PRR14L: variants seen among roughly 807,000 people sequenced by gnomAD.
The protein encoded by PRR14L is proline rich 14 like, also known as protein PRR14L.
PRR14L carries 80 observed loss-of-function variants against 155.0 expected under a neutral mutation model. That is an observed-to-expected ratio of 0.52 (90% CI 0.43 to 0.62). The LOEUF (loss-of-function observed/expected upper bound fraction) is 0.62, where lower values mean the gene tolerates loss of function less well. Ranked by LOEUF, PRR14L falls within the 20% of genes least tolerant of loss-of-function variation. The pLI is 0.00. For missense variants in PRR14L, 2,469 were observed against 2,548.0 expected (o/e 0.97, Z 0.67); for synonymous variants, 883 against 916.0 (o/e 0.96, Z 0.65).
rs998931257 is a variant in PRR14L, at chr22:31,750,023, C to T, written c.-82G>A. On this transcript the variant is annotated 5_prime_UTR_variant, in exon 1 of 9. Coordinates refer to ENST00000327423, the MANE Select transcript of PRR14L (RefSeq NM_173566.3). The stretch of plus-strand genomic sequence containing the variant: ...GACCTCCTCCGCGGCCCGCGCTTGC[C>T]CAGCCAGCTCAGCCCCTGCAGCTGC... 1 of 153,388 alleles carries T rather than the reference C, an allele frequency of 6.5e-6. No homozygotes were observed. Among genetic ancestry groups the T allele is most frequent in the African/African-American group, 2.4e-5 (1 of 41,484 alleles). 9.5% of individuals were successfully genotyped at this position (153,388 alleles called of 1,614,324 possible).
rs752265656 is a variant in PRR14L, at chr22:31,710,234, G to A, written c.5756+1849C>T. Among the ~76,000 whole-genome samples the A allele has an allele frequency of 3.0e-3, 458 of 152,196 alleles. 5 individuals carry two copies. Among genetic ancestry groups the A allele is most frequent in the Non-Finnish European group, 5.1e-3 (345 of 68,012 alleles). On this transcript the variant is annotated intron_variant, in intron 4 of 8. Coordinates refer to ENST00000327423, the MANE Select transcript of PRR14L (RefSeq NM_173566.3). ...TAGGCTTACAGGCATGAGCCACTGC[G>A]TCCCGCCTGAACCAGTCCACTTTAC...
chr22:31,738,302 T>C (rs2074793557), intron 2 of PRR14L, 85 bp downstream of exon 2: 6 of 1,126,180 alleles, frequency 5.3e-6, no homozygotes, highest in Non-Finnish European at 7.5e-6. Flanking sequence ...GAATAAATCA[T>C]GAGCCAACCG....
At chr22:31,693,407 T>C (rs924123731) in intron 7 of PRR14L, among the ~76,000 whole-genome samples, 6 of 152,236 alleles carry the variant, frequency 3.9e-5, no homozygotes, top group South Asian at 2.1e-4. Context: ...ATTTATATCA[T>C]TGATAGCTAA....
rs1184287861 is a variant in PRR14L, at chr22:31,716,677, G to C, written c.1162C>G (p.Gln388Glu). ...TCTCTAGAAGCCAAGTTCTTCCCTTGATCATCCCCCCTATAAAAATAAGAA... is the reference window on the plus strand; with the variant it reads ...TCTCTAGAAGCCAAGTTCTTCCCTTCATCATCCCCCCTATAAAAATAAGAA... ...DSSYFYRGDDQGKNLASREEN... is the reference protein window; with the variant it reads ...DSSYFYRGDDEGKNLASREEN... The change falls in exon 4 of 9, where the codon CAA (glutamine) becomes GAA (glutamate). Residue 388 changes from glutamine (Q) to glutamate (E), a missense_variant. Physicochemically the swap from Gln to Glu is conservative, Grantham distance 29. Coordinates refer to ENST00000327423, the MANE Select transcript of PRR14L (RefSeq NM_173566.3). 6.4e-7 allele frequency: 1 copy of C among 1,551,754 alleles called. No individual in the cohort carries two copies. The highest frequency in any genetic ancestry group is 1.4e-5 in the African/African-American group (1 of 72,998).
intron 5 of PRR14L, among the ~76,000 whole-genome samples, chr22:31,704,197 T>A (rs1408882393): frequency 6.6e-6 from 1 of 152,226 alleles, no homozygotes; most frequent in Non-Finnish European, 1.5e-5. Context: ...ATAGCCTGTA[T>A]CTACATATGT....
rs548641284 is a variant in PRR14L, at chr22:31,716,392, C to A, written c.1447G>T (p.Val483Phe). ...NKNDLKITVH[V>F]QGNLTNPEDH... ...TCAGGGTTTGTCAAGTTACCTTGAA[C>A]GTGTACAGTAATTTTCAAATCATTT... The change falls in exon 4 of 9, where the codon GTT becomes TTT. Residue 483 changes from valine to phenylalanine, a missense_variant. Transcript: ENST00000327423. 3 of 1,549,692 alleles carry A rather than the reference C, an allele frequency of 1.9e-6. No homozygotes were observed. Among genetic ancestry groups the A allele is most frequent in the South Asian group, 1.2e-5 (1 of 83,528 alleles).
At chr22:31,717,788 T>A (rs1057298040) in intron 3 of PRR14L, among the ~76,000 whole-genome samples, 2 of 152,070 alleles carry the variant, frequency 1.3e-5, no homozygotes, top group African/African-American at 4.8e-5. Context: ...TCAGACAGAG[T>A]CTTGCTCTGT....
chr22:31,687,942 G>A (rs1373709379), intron 8 of PRR14L, among the ~76,000 whole-genome samples: 2 of 149,964 alleles, frequency 1.3e-5, no homozygotes, highest in South Asian at 2.1e-4. Flanking sequence ...TGAGGCAGGA[G>A]AATGGCGTGA....
At position 31,713,571 on chromosome 22, in the gene PRR14L, A is replaced by G. The variant is rs1464428787; in HGVS notation, c.4268T>C (p.Leu1423Pro). The G allele has an allele frequency of 6.4e-7, 1 of 1,551,994 alleles. No homozygotes were observed. Among genetic ancestry groups the G allele is most frequent in the Non-Finnish European group, 8.7e-7 (1 of 1,147,086 alleles). ...TISQQCISSSLLLDDAQNQNQ... is the reference protein window; with the variant it reads ...TISQQCISSSPLLDDAQNQNQ... ...CTGATTTTGTGCATCATCTAACAAC[A>G]GACTAGATGATATGCACTGTTGCGA... is the stretch of plus-strand genomic sequence containing the variant. The change falls in exon 4 of 9, where the codon CTG becomes CCG. Residue 1423 changes from leucine to proline, a missense_variant. By Grantham distance (98) the Leu-to-Pro change is moderately conservative. Transcript: ENST00000327423.
At chr22:31,703,468 CTG>C in intron 6 of PRR14L, 80 bp downstream of exon 6, 1 of 1,338,880 alleles carries the variant, frequency 7.5e-7, no homozygotes, top group African/African-American at 1.5e-5. Flanking sequence ...AGAAGCCAGT[CTG>C]TAGCTATAAT....
chr22:31,745,803 C>T (rs925029018), intron 1 of PRR14L, among the ~76,000 whole-genome samples: 5 of 148,372 alleles, frequency 3.4e-5, no homozygotes, highest in African/African-American at 5.0e-5. Flanking sequence ...GCAGAGATCG[C>T]GCCATTGCAC....
intron 3 of PRR14L, among the ~76,000 whole-genome samples, chr22:31,724,264 T>A (rs2074705591): frequency 6.6e-6 from 1 of 152,234 alleles, no homozygotes; most frequent in East Asian, 1.9e-4. Context: ...AGAAACGAAG[T>A]GCACAATAAA....
At chr22:31,717,387 C>A (rs1173206279) in intron 3 of PRR14L, 96 bp from the exon 4 acceptor site, 2 of 947,394 alleles carry the variant, frequency 2.1e-6, no homozygotes, top group Middle Eastern at 2.7e-4. Context: ...CCAAGGGCAA[C>A]AGAAGACCCA....
At chr22:31,690,371 G>C (rs2080824342) in intron 7 of PRR14L, among the ~76,000 whole-genome samples, 1 of 151,942 alleles carries the variant, frequency 6.6e-6, no homozygotes, top group South Asian at 2.1e-4. Context: ...TTTTCGTACA[G>C]GTGGGGTTTC....
intron 7 of PRR14L, among the ~76,000 whole-genome samples, chr22:31,692,047 T>C (rs1247276065): frequency 4.6e-5 from 7 of 152,078 alleles, no homozygotes; most frequent in Non-Finnish European, 4.4e-5. Flanking sequence ...TTTGTATTTT[T>C]AGTGGAGATG....
chr22:31,686,832 T>C (rs1175136877), intron 8 of PRR14L, among the ~76,000 whole-genome samples: 1 of 152,192 alleles, frequency 6.6e-6, no homozygotes, highest in East Asian at 1.9e-4. Flanking sequence ...TACAAAATCT[T>C]AGGATAAAAT....
chr22:31,713,922 T>C lies in PRR14L; in HGVS notation c.3917A>G (p.Lys1306Arg). 6.4e-6 allele frequency: 10 copies of C among 1,551,870 alleles called. No individual in the cohort carries two copies. Among genetic ancestry groups the C allele is most frequent in the Non-Finnish European group, 8.7e-6 (10 of 1,147,012 alleles). The change falls in exon 4 of 9, where the codon AAG (lysine) becomes AGG (arginine). Residue 1306 changes from lysine (K) to arginine (R), a missense_variant. By Grantham distance (26) the Lys-to-Arg change is conservative. Coordinates refer to ENST00000327423, the MANE Select transcript of PRR14L (RefSeq NM_173566.3). ...AGGGTGACAAGCTTTGCAAGCATTCTTTTCCACACAGGTACATACGCTGTC... is the reference window on the plus strand; with the variant it reads ...AGGGTGACAAGCTTTGCAAGCATTCCTTTCCACACAGGTACATACGCTGTC... The part of the protein sequence containing the change: ...DRDSVCTCVE[K>R]NACKACHPHE...
At chr22:31,711,411 T>C in intron 4 of PRR14L, among the ~76,000 whole-genome samples, 1 of 151,352 alleles carries the variant, frequency 6.6e-6, no homozygotes, top group Admixed American at 6.6e-5. Flanking sequence ...GCAGAAGTTG[T>C]GGTCAGCCGA....
intron 7 of PRR14L, among the ~76,000 whole-genome samples, chr22:31,692,942 C>A (rs778381656): frequency 1.3e-5 from 2 of 152,104 alleles, no homozygotes; most frequent in Non-Finnish European, 2.9e-5. Context: ...GCCTGGTCAT[C>A]TTTTCTTTTT....
Sources: gnomAD v4.1 joint callset for allele counts (sites outside exome capture counted in the v4.1 genomes callset) on GRCh38, gnomAD v4.1.1 for gene constraint, MANE v1.5 for transcripts, NCBI Gene and HGNC (gene_info 2026-07-23, HGNC 2026-07-21) for gene names.